Variants in STK4 observed in about 807,000 individuals in gnomAD.
STK4 encodes the protein serine/threonine kinase 4.
In STK4, 30 loss-of-function variants were observed where a neutral mutation model predicts 64.9. The ratio of observed to expected loss-of-function variants is 0.46; its 90% confidence interval spans 0.35 to 0.63. The LOEUF (loss-of-function observed/expected upper bound fraction) is 0.63, where lower values mean the gene tolerates loss of function less well. Among genes scored for constraint, STK4 ranks in the 20% least tolerant of loss-of-function variants. STK4 has a pLI of 0.01. For synonymous variants in STK4, 177 were observed against 199.0 expected, an observed-to-expected ratio of 0.89 and a Z score of 0.93; for missense variants, 466 against 598.5, an observed-to-expected ratio of 0.78 and a Z score of 2.31.
At chr20:44,990,820 C>G (rs1261500448) in intron 5 of STK4, among the ~76,000 whole-genome samples, 1 of 152,168 alleles carries the variant, frequency 6.6e-6, no homozygotes, top group Non-Finnish European at 1.5e-5. Flanking sequence ...CTTCTTAACT[C>G]TTTCAACCCA....
intron 1 of STK4, among the ~76,000 whole-genome samples, chr20:44,968,406 G>A (rs1262647063): frequency 6.6e-6 from 1 of 152,162 alleles, no homozygotes; most frequent in Non-Finnish European, 1.5e-5. Flanking sequence ...CAAAGTGGTG[G>A]GATTACAGGC....
intron 2 of STK4, among the ~76,000 whole-genome samples, chr20:44,976,815 A>T (rs2067346907): frequency 6.6e-6 from 1 of 152,232 alleles, no homozygotes. Context: ...ATGGTTTGAC[A>T]TCTGGGTAAT....
chr20:45,024,587 G>A (rs1046594035), intron 9 of STK4, among the ~76,000 whole-genome samples: 1 of 152,126 alleles, frequency 6.6e-6, no homozygotes. Flanking sequence ...AATATTGTAT[G>A]TGATAGATGC....
intron 6 of STK4, 82 bp downstream of exon 6, chr20:44,995,339 C>T (rs947348168): frequency 6.7e-7 from 1 of 1,493,040 alleles, no homozygotes; most frequent in Non-Finnish European, 9.0e-7. Context: ...GGTGTTGTGG[C>T]TCACACGTGT....
In STK4 at chr20:45,027,293, G is replaced by GC. The variant is rs1439947798; in HGVS notation, c.1305+2163_1305+2164insC. On this transcript the variant is annotated intron_variant, in intron 10 of 10. Transcript: ENST00000372806. Reference sequence around the variant, plus strand: ...ACAATACAAAAAAATCAGCCAGTGTGGTGGTGCATGCCTGTAATCCCAGCT... The same window carrying GC: ...ACAATACAAAAAAATCAGCCAGTGTGCGTGGTGCATGCCTGTAATCCCAGCT... Among the ~76,000 whole-genome samples the GC allele has an allele frequency of 1.4e-4, 21 of 152,070 alleles. No individual in the cohort carries two copies. In the East Asian group the frequency reaches 3.9e-3, roughly 28 times the overall value.
intron 9 of STK4, among the ~76,000 whole-genome samples, chr20:45,021,020 A>G (rs796526989): frequency 3.9e-5 from 6 of 152,062 alleles, no homozygotes; most frequent in Admixed American, 1.3e-4. Context: ...AGGTCTTGCT[A>G]TGTTGCCCAG....
rs1980656815 is a variant in STK4 at position 45,078,162 on chromosome 20, A to G, written c.*2986A>G. The G allele has an allele frequency of 7.9e-6, 1 of 125,870 alleles. No individual in the cohort carries two copies. The highest frequency in any genetic ancestry group is 3.2e-5 in the African/African-American group (1 of 31,002). 7.8% of individuals were successfully genotyped at this position (125,870 alleles called of 1,614,324 possible). On this transcript the variant is annotated 3_prime_UTR_variant, in exon 11 of 11. Transcript: ENST00000372806. ...TCTGCCTTCAAGAAACAATGACCTGATTCTGTCTTTAAAAAAAAAAATCTC... is the reference window on the plus strand; with the variant it reads ...TCTGCCTTCAAGAAACAATGACCTGGTTCTGTCTTTAAAAAAAAAAATCTC...
At chr20:45,055,157 T>A (rs531088168) in intron 10 of STK4, among the ~76,000 whole-genome samples, 4 of 152,310 alleles carry the variant, frequency 2.6e-5, no homozygotes, top group African/African-American at 9.6e-5. Flanking sequence ...GGGCGTTAAC[T>A]TATTTTTTCT....
At chr20:45,050,189 T>C (rs1423822208) in intron 10 of STK4, among the ~76,000 whole-genome samples, 1 of 152,124 alleles carries the variant, frequency 6.6e-6, no homozygotes, top group African/African-American at 2.4e-5. Flanking sequence ...GTGTGGGGAC[T>C]GGGAAAGGGG....
At chr20:45,014,082 T>C (rs1234039483) in intron 9 of STK4, among the ~76,000 whole-genome samples, 2 of 152,196 alleles carry the variant, frequency 1.3e-5, no homozygotes, top group Non-Finnish European at 2.9e-5. Context: ...GAAGAATTTC[T>C]TCTGTTTTAT....
chr20:45,031,846 A>G (rs1410380031), intron 10 of STK4, among the ~76,000 whole-genome samples: 1 of 146,684 alleles, frequency 6.8e-6, no homozygotes, highest in Non-Finnish European at 1.5e-5. Flanking sequence ...CGGAGGTTGC[A>G]GTGAGCCGAG....
chr20:45,047,626 G>A (rs757179452), intron 10 of STK4, among the ~76,000 whole-genome samples: 1 of 152,148 alleles, frequency 6.6e-6, no homozygotes, highest in Non-Finnish European at 1.5e-5. Context: ...TCATAGATGT[G>A]GAATTTAGAT....
chr20:45,061,583 T>C (rs1254621795), intron 10 of STK4, among the ~76,000 whole-genome samples: 2 of 147,760 alleles, frequency 1.4e-5, no homozygotes, highest in Non-Finnish European at 3.0e-5. Context: ...TTTTGTTTTA[T>C]TTTAGTATGG....
At chr20:44,977,992 T>C (rs2067368748) in intron 2 of STK4, among the ~76,000 whole-genome samples, 1 of 152,194 alleles carries the variant, frequency 6.6e-6, no homozygotes, top group Non-Finnish European at 1.5e-5. Flanking sequence ...ACACCCGGGT[T>C]CAAATCCTGG....
At chr20:44,981,995 CTTTT>C in intron 4 of STK4, 52 bp downstream of exon 4, 2 of 1,233,288 alleles carry the variant, frequency 1.6e-6, no homozygotes, top group Non-Finnish European at 2.4e-6. Context: ...ATGCCATCTT[CTTTT>C]CTCTGCCTCT....
intron 9 of STK4, among the ~76,000 whole-genome samples, chr20:45,014,803 AC>A (rs1015629562): frequency 6.6e-6 from 1 of 152,100 alleles, no homozygotes; most frequent in African/African-American, 2.4e-5. Context: ...AGCCCTGGTC[AC>A]CCCTCCTCAT....
chr20:45,057,898 A>C (rs1978627732), intron 10 of STK4, among the ~76,000 whole-genome samples: 1 of 152,230 alleles, frequency 6.6e-6, no homozygotes. Flanking sequence ...CCAATTAAAC[A>C]GTTGCCGAAA....
chr20:45,052,279 C>A (rs550640518), intron 10 of STK4, among the ~76,000 whole-genome samples: 1 of 41,180 alleles, frequency 2.4e-5, no homozygotes, highest in African/African-American at 1.4e-4. Flanking sequence ...ACTCTTCCAC[C>A]CCCCCCAGCA....
intron 9 of STK4, among the ~76,000 whole-genome samples, chr20:45,023,401 T>C (rs535772879): frequency 2.0e-5 from 3 of 152,234 alleles, no homozygotes; most frequent in Admixed American, 6.5e-5. Context: ...ATAAGTAAGA[T>C]TGCATAGACC....
Sources: allele counts gnomAD v4.1 joint callset (sites outside exome capture counted in the v4.1 genomes callset), GRCh38; gene constraint gnomAD v4.1.1; transcripts MANE v1.5; gene names NCBI Gene and HGNC (gene_info 2026-07-23, HGNC 2026-07-21).